Variants in TLE1 observed in about 807,000 individuals in gnomAD.
TLE1 encodes the protein transducin-like enhancer protein 1.
TLE1 carries 21 observed loss-of-function variants against 89.8 expected under a neutral mutation model. The ratio of observed to expected loss-of-function variants is 0.23; its 90% CI spans 0.17 to 0.34. The LOEUF is 0.34. TLE1 is among the 10% of genes least tolerant of loss of function. The pLI, the probability that TLE1 is intolerant of heterozygous loss-of-function variation, is 1.00. For missense variants in TLE1, 795 were observed against 1,031.2 expected, an observed-to-expected ratio of 0.77 and a Z score of 3.14; for synonymous variants, 447 against 407.6, an observed-to-expected ratio of 1.10 and a Z score of -1.16.
At chr9:81,672,350 T>G (rs1388247331) in intron 4 of TLE1, among the ~76,000 whole-genome samples, 3 of 149,578 alleles carry the variant, frequency 2.0e-5, no homozygotes, top group African/African-American at 7.6e-5. Flanking sequence ...TATTATTATT[T>G]GAGATGGAGT....
At position 81,584,036 on chromosome 9, in the gene TLE1, A is replaced by G. The variant is rs1307920945; in HGVS notation, c.*162T>C. On this transcript the variant is annotated 3_prime_UTR_variant, in exon 20 of 20. Coordinates refer to ENST00000376499, the MANE Select transcript of TLE1 (RefSeq NM_005077.5). ...TAGACAGGTGACTTTCTGCTGATGG[A>G]CTTGTCGCCTCCTCTTTGTAGACTC... 3.1e-6 allele frequency: 2 copies of G among 640,366 alleles called. No homozygotes were observed. The highest frequency in any genetic ancestry group is 5.4e-6 in the Non-Finnish European group (2 of 370,930). The allele number at this position is 640,366 out of a possible 1,614,324, so 39.7% of individuals were successfully genotyped here. A position where few individuals can be genotyped will look rare whatever the true frequency, so the allele number is the denominator to read the frequency against.
At chr9:81,679,145 C>T (rs150603973) in intron 4 of TLE1, among the ~76,000 whole-genome samples, 2 of 151,980 alleles carry the variant, frequency 1.3e-5, no homozygotes, top group East Asian at 3.9e-4. Flanking sequence ...AAGACTCTAT[C>T]GCCATTAAAA....
At chr9:81,620,285 C>T (rs1329461677) in intron 9 of TLE1, among the ~76,000 whole-genome samples, 156 bp downstream of exon 9, 2 of 152,126 alleles carry the variant, frequency 1.3e-5, no homozygotes, top group African/African-American at 4.8e-5. Flanking sequence ...AATTTACAGC[C>T]CCAAAGGGAA....
intron 14 of TLE1, among the ~76,000 whole-genome samples, chr9:81,597,720 C>G (rs565303991): frequency 1.3e-5 from 2 of 152,146 alleles, no homozygotes; most frequent in Non-Finnish European, 2.9e-5. Flanking sequence ...AAAGCCCACT[C>G]GACTTCACAG....
intron 2 of TLE1, among the ~76,000 whole-genome samples, chr9:81,686,533 A>T (rs1229391865): frequency 6.6e-6 from 1 of 152,210 alleles, no homozygotes; most frequent in Non-Finnish European, 1.5e-5. Flanking sequence ...AAGAAAATTC[A>T]CACCCAAGCC....
chr9:81,669,479 A>C (rs1831931440), intron 4 of TLE1, among the ~76,000 whole-genome samples: 2 of 152,244 alleles, frequency 1.3e-5, no homozygotes, highest in Non-Finnish European at 2.9e-5. Context: ...TCTGGAACGC[A>C]ATTTTCCAGT....
At chr9:81,623,230 C>T (rs558729768) in intron 8 of TLE1, among the ~76,000 whole-genome samples, 2 of 152,178 alleles carry the variant, frequency 1.3e-5, no homozygotes, top group Admixed American at 6.5e-5. Context: ...GATTTCTCCT[C>T]GTGCACTCCC....
intron 11 of TLE1, 86 bp downstream of exon 11, chr9:81,615,896 C>T: frequency 6.5e-7 from 1 of 1,529,046 alleles, no homozygotes; most frequent in Non-Finnish European, 8.9e-7. Context: ...GCAGCAAAAC[C>T]CCCACATTTC....
At chr9:81,643,103 G>GA (rs1324877700) in intron 6 of TLE1, among the ~76,000 whole-genome samples, 1 of 152,170 alleles carries the variant, frequency 6.6e-6, no homozygotes, top group East Asian at 1.9e-4. Context: ...TGGTCAAAGG[G>GA]TACAAGGTTT....
chr9:81,653,631 A>C (rs1374507336), intron 5 of TLE1, among the ~76,000 whole-genome samples: 1 of 152,214 alleles, frequency 6.6e-6, no homozygotes, highest in Non-Finnish European at 1.5e-5. Context: ...ACCATTTTTA[A>C]AAGTCAGTAT....
chr9:81,597,411 G>A (rs1364026792), intron 14 of TLE1, among the ~76,000 whole-genome samples: 1 of 152,192 alleles, frequency 6.6e-6, no homozygotes, highest in Non-Finnish European at 1.5e-5. Context: ...GGGCAGTGAT[G>A]AGGCAACAAA....
At chr9:81,620,724 TAC>T (rs1185572454) in intron 8 of TLE1, 167 bp from the exon 9 acceptor site, 2 of 985,338 alleles carry the variant, frequency 2.0e-6, no homozygotes, top group Non-Finnish European at 2.4e-6. Flanking sequence ...TCTACAGGTT[TAC>T]ACACTTAAAA....
intron 8 of TLE1, among the ~76,000 whole-genome samples, chr9:81,625,717 A>C (rs936354178): frequency 2.0e-5 from 3 of 152,124 alleles, no homozygotes; most frequent in African/African-American, 7.2e-5. Flanking sequence ...CTGACCATTC[A>C]ACACAAGTGA....
intron 4 of TLE1, among the ~76,000 whole-genome samples, chr9:81,678,185 A>G (rs1833141579): frequency 6.6e-6 from 1 of 152,164 alleles, no homozygotes; most frequent in African/African-American, 2.4e-5. Flanking sequence ...ATATTGCTTC[A>G]AAGAAGGTAA....
At chr9:81,584,401 C>T (rs183982200) in intron 19 of TLE1, 47 bp downstream of exon 19, 29 of 1,611,194 alleles carry the variant, frequency 1.8e-5, no homozygotes, top group Admixed American at 6.7e-5. Flanking sequence ...GCTTCAGAGG[C>T]GACACTGTGG....
chr9:81,605,973 C>T (rs1381075930), intron 14 of TLE1, among the ~76,000 whole-genome samples: 2 of 152,154 alleles, frequency 1.3e-5, no homozygotes, highest in East Asian at 1.9e-4. Context: ...TATGAACAGA[C>T]ACTTCTCAAA....
At chr9:81,678,645 T>C (rs1245968680) in intron 4 of TLE1, among the ~76,000 whole-genome samples, 2 of 151,994 alleles carry the variant, frequency 1.3e-5, no homozygotes, top group Non-Finnish European at 2.9e-5. Flanking sequence ...CAAAACTCCG[T>C]CTATACTAAA....
chr9:81,597,280 TA>T (rs59467259), intron 14 of TLE1, among the ~76,000 whole-genome samples: 12,900 of 151,642 alleles, frequency 0.085, 651 homozygotes, highest in Middle Eastern at 0.23. Context: ...CACCACGACT[TA>T]AAAAAAAGCC....
Position 81,669,776 on chromosome 9 carries a change from A to C in TLE1, c.235-15740T>G, listed in dbSNP as rs1831978072. On this transcript the variant is annotated intron_variant, in intron 4 of 19. Transcript: ENST00000376499. The stretch of plus-strand genomic sequence containing the variant: ...ATACAAAATATTCTTGGGAACCCAG[A>C]GTCTAATCATCATTTAAGCCATAGA... 3.9e-5 allele frequency among the ~76,000 whole-genome samples: 6 copies of C among 152,330 alleles called. No individual in the cohort carries two copies. The South Asian group carries it at 1.2e-3, about 32-fold the overall frequency.
Sources: gnomAD v4.1 joint callset for allele counts (sites outside exome capture counted in the v4.1 genomes callset) on GRCh38, gnomAD v4.1.1 for gene constraint, MANE v1.5 for transcripts, NCBI Gene and HGNC (gene_info 2026-07-23, HGNC 2026-07-21) for gene names.